Variants in PDE4B observed in about 807,000 individuals in gnomAD.
PDE4B encodes phosphodiesterase 4B.
A neutral mutation model predicts 82.2 loss-of-function variants in PDE4B; 20 were observed. The ratio of observed to expected loss-of-function variants is 0.24; its 90% CI spans 0.17 to 0.35. The LOEUF is 0.35. Ranked by LOEUF, PDE4B falls within the 10% of genes least tolerant of loss-of-function variation. The pLI is 1.00. For synonymous variants in PDE4B, 320 were observed against 318.9 expected, an observed-to-expected ratio of 1.00 and a Z score of -0.04; for missense variants, 655 against 907.2, an observed-to-expected ratio of 0.72 and a Z score of 3.57.
rs79860333 is a variant in PDE4B at position 65,894,901 on chromosome 1, A to G, written c.-70-18344A>G. Among the ~76,000 whole-genome samples the G allele has an allele frequency of 2.7e-3, 409 of 152,304 alleles. 16 individuals are homozygous for G. In the East Asian group the frequency reaches 0.072, roughly 27 times the overall value. ...TAATAGTAAGTTTTGGCAAACGTGC[A>G]AAGTGTCTGGAAGTCTCATACACTG... On this transcript the variant is annotated intron_variant, in intron 1 of 16. Coordinates refer to ENST00000341517, the MANE Select transcript of PDE4B (RefSeq NM_002600.4).
At chr1:66,185,164 A>G (rs1251646739) in intron 3 of PDE4B, among the ~76,000 whole-genome samples, 2 of 152,230 alleles carry the variant, frequency 1.3e-5, no homozygotes, top group African/African-American at 4.8e-5. Context: ...TACAAAGGAC[A>G]TGAACTCATC....
chr1:65,806,663 G>A (rs1455114813), intron 1 of PDE4B, among the ~76,000 whole-genome samples: 1 of 152,106 alleles, frequency 6.6e-6, no homozygotes, highest in Non-Finnish European at 1.5e-5. Flanking sequence ...TATGTTGATC[G>A]AGCTTGCCTT....
chr1:66,006,654 T>A (rs187109632), intron 3 of PDE4B, among the ~76,000 whole-genome samples: 1 of 152,206 alleles, frequency 6.6e-6, no homozygotes, highest in East Asian at 1.9e-4. Context: ...AGGGACCTGG[T>A]GGGAGGTAAT....
intron 8 of PDE4B, among the ~76,000 whole-genome samples, chr1:66,341,640 A>T (rs1391130204): frequency 2.0e-5 from 3 of 152,208 alleles, no homozygotes; most frequent in Non-Finnish European, 4.4e-5. Context: ...TAGGTAGTAA[A>T]AATACCCTGT....
chr1:66,322,173 A>C (rs1659449958), intron 7 of PDE4B, among the ~76,000 whole-genome samples: 1 of 152,228 alleles, frequency 6.6e-6, no homozygotes, highest in Non-Finnish European at 1.5e-5. Context: ...AAATTAACTC[A>C]AGATGGATTA....
intron 3 of PDE4B, among the ~76,000 whole-genome samples, chr1:66,077,326 G>A (rs1391529450): frequency 6.6e-6 from 1 of 152,010 alleles, no homozygotes; most frequent in East Asian, 1.9e-4. Flanking sequence ...CTGTGTTCTG[G>A]CACTAGTGTA....
intron 3 of PDE4B, among the ~76,000 whole-genome samples, chr1:66,119,492 G>A (rs1222873899): frequency 1.7e-4 from 5 of 29,964 alleles, no homozygotes; most frequent in African/African-American, 6.7e-4. Flanking sequence ...TCACTTCCCA[G>A]GAGAAATAAT....
chr1:66,189,239 G>A (rs899923517), intron 3 of PDE4B, among the ~76,000 whole-genome samples: 4 of 151,908 alleles, frequency 2.6e-5, no homozygotes, highest in Admixed American at 1.3e-4. Flanking sequence ...TGGGTAACCT[G>A]ACCTTTCTCT....
chr1:65,842,020 A>G (rs1213482423), intron 1 of PDE4B, among the ~76,000 whole-genome samples: 2 of 152,222 alleles, frequency 1.3e-5, no homozygotes, highest in African/African-American at 4.8e-5. Flanking sequence ...AAATCAACTT[A>G]GTCTTTCCCT....
chr1:65,926,152 T>C (rs998510147), intron 3 of PDE4B, among the ~76,000 whole-genome samples: 1 of 152,186 alleles, frequency 6.6e-6, no homozygotes, highest in African/African-American at 2.4e-5. Context: ...GTGTGGTAAA[T>C]ATCCTCAGGG....
chr1:66,045,578 A>G (rs1654659202), intron 3 of PDE4B, among the ~76,000 whole-genome samples: 1 of 151,738 alleles, frequency 6.6e-6, no homozygotes, highest in African/African-American at 2.4e-5. Flanking sequence ...AGCATTGATG[A>G]AGTGTCTATT....
chr1:65,972,730 T>G (rs1265946714), intron 3 of PDE4B, among the ~76,000 whole-genome samples: 2 of 152,220 alleles, frequency 1.3e-5, no homozygotes, highest in Non-Finnish European at 2.9e-5. Flanking sequence ...TCTGCATAAC[T>G]ATTTCTGGAC....
Position 66,373,278 on chromosome 1 carries a change from G to C in PDE4B, c.*600G>C, listed in dbSNP as rs531074590. On this transcript the variant is annotated 3_prime_UTR_variant, in exon 17 of 17. Coordinates refer to ENST00000341517, the MANE Select transcript of PDE4B (RefSeq NM_002600.4). ...GTTACTTTTGCAAACAGACAGAAAG[G>C]ATACACTTCTAACCACATTTTACTT... 6 of 152,882 alleles carry C rather than the reference G, an allele frequency of 3.9e-5. No homozygotes were observed. The highest frequency in any genetic ancestry group is 1.4e-4 in the African/African-American group (6 of 41,566). The allele number at this position is 152,882 out of a possible 1,614,324, so 9.5% of individuals were successfully genotyped here.
At chr1:65,797,418 G>T (rs768333390) in intron 1 of PDE4B, among the ~76,000 whole-genome samples, 22 of 152,252 alleles carry the variant, frequency 1.4e-4, no homozygotes, top group Non-Finnish European at 2.9e-4. Context: ...TTTAAATCTT[G>T]TATTTTAACA....
At chr1:66,036,070 A>T (rs766121645) in intron 3 of PDE4B, among the ~76,000 whole-genome samples, 4 of 152,094 alleles carry the variant, frequency 2.6e-5, no homozygotes, top group Non-Finnish European at 5.9e-5. Flanking sequence ...TGTGGTTTTA[A>T]TTTGCATTTT....
At chr1:66,127,910 C>T (rs1447796548) in intron 3 of PDE4B, among the ~76,000 whole-genome samples, 1 of 152,008 alleles carries the variant, frequency 6.6e-6, no homozygotes, top group Non-Finnish European at 1.5e-5. Flanking sequence ...TTTTAGTCAG[C>T]TTGTGACTTT....
chr1:66,048,126 C>G (rs894491944), intron 3 of PDE4B, among the ~76,000 whole-genome samples: 2 of 151,930 alleles, frequency 1.3e-5, no homozygotes, highest in African/African-American at 4.8e-5. Flanking sequence ...TCACGGTTCT[C>G]TCATTGCTGT....
chr1:65,792,854 G>C (rs533359020), upstream of PDE4B, among the ~76,000 whole-genome samples: 1 of 152,156 alleles, frequency 6.6e-6, no homozygotes, highest in Non-Finnish European at 1.5e-5. Flanking sequence ...TCTCTTCCGG[G>C]GGGCGGGGGT....
intron 3 of PDE4B, among the ~76,000 whole-genome samples, chr1:66,127,967 C>A (rs1645857785): frequency 1.3e-5 from 2 of 152,066 alleles, no homozygotes; most frequent in Non-Finnish European, 2.9e-5. Context: ...TTAGGTAATT[C>A]TATTTCAGTG....
Sources: allele counts gnomAD v4.1 joint callset (sites outside exome capture counted in the v4.1 genomes callset), GRCh38; gene constraint gnomAD v4.1.1; transcripts MANE v1.5; gene names NCBI Gene and HGNC (gene_info 2026-07-23, HGNC 2026-07-21).